CALN1: variants seen among roughly 807,000 people sequenced by gnomAD.
CALN1 encodes calneuron 1.
CALN1 carries 17 observed loss-of-function variants against 30.6 expected under a neutral mutation model. The observed-to-expected ratio is 0.56, with a 90% confidence interval of 0.38 to 0.83. The LOEUF is 0.83. CALN1 is among the 40% of genes least tolerant of loss of function. The pLI, the probability that CALN1 is intolerant of heterozygous loss-of-function variation, is 0.00. For missense variants in CALN1, 291 were observed against 354.9 expected (o/e 0.82, Z 1.45); for synonymous variants, 156 against 131.4 (o/e 1.19, Z -1.28).
chr7:71,913,977 T>A (rs534325693), intron 5 of CALN1: 3 of 152,200 alleles, frequency 2.0e-5, no homozygotes, highest in Non-Finnish European at 4.4e-5. Context: ...TGAGGTGAAA[T>A]AGCCAGTCCA....
At chr7:72,152,706 C>T (rs974650101) in intron 3 of CALN1, among the ~76,000 whole-genome samples, 7 of 152,056 alleles carry the variant, frequency 4.6e-5, no homozygotes, top group African/African-American at 1.4e-4. Context: ...AGCTACCAGC[C>T]GAGAGAGAGG....
chr7:72,260,246 A>C (rs948832502), intron 3 of CALN1, among the ~76,000 whole-genome samples: 13 of 152,222 alleles, frequency 8.5e-5, no homozygotes, highest in African/African-American at 2.7e-4. Flanking sequence ...TGCAGTGATA[A>C]GAATAAGAGA....
chr7:72,181,908 C>T (rs1234312285), intron 3 of CALN1, among the ~76,000 whole-genome samples: 1 of 152,186 alleles, frequency 6.6e-6, no homozygotes, highest in Non-Finnish European at 1.5e-5. Flanking sequence ...ATACTATGTA[C>T]CAGCACTATC....
chr7:72,370,169 G>A (rs1040442355), intron 2 of CALN1, among the ~76,000 whole-genome samples: 3 of 152,132 alleles, frequency 2.0e-5, no homozygotes, highest in Non-Finnish European at 4.4e-5. Context: ...TAAAAAGTAT[G>A]TAATGACATC....
intron 3 of CALN1, among the ~76,000 whole-genome samples, chr7:72,117,927 C>T (rs138284938): frequency 4.8e-4 from 70 of 146,816 alleles, no homozygotes; most frequent in African/African-American, 1.7e-3. Flanking sequence ...CACTGTACTC[C>T]AGCCTGGGCG....
intron 3 of CALN1, among the ~76,000 whole-genome samples, chr7:72,256,192 C>T (rs1795900873): frequency 6.6e-6 from 1 of 152,182 alleles, no homozygotes; most frequent in Admixed American, 6.5e-5. Flanking sequence ...GACACAGTGG[C>T]TCACACCTAT....
intron 5 of CALN1, among the ~76,000 whole-genome samples, chr7:71,875,741 GCTAGGTTCTTATACTACACA>G (rs148895449): frequency 0.018 from 2,706 of 152,286 alleles, 77 homozygotes; most frequent in African/African-American, 0.059. Flanking sequence ...AGGGGGCCCA[GCTAGGTTCTTATACTACACA>G]CTAGACAGAC....
At chr7:72,418,351 T>C (rs1336174828) in intron 1 of CALN1, among the ~76,000 whole-genome samples, 1 of 152,248 alleles carries the variant, frequency 6.6e-6, no homozygotes, top group Non-Finnish European at 1.5e-5. Flanking sequence ...CCACATTTTC[T>C]TTATCCAATC....
intron 5 of CALN1, among the ~76,000 whole-genome samples, chr7:71,967,668 A>AG (rs1187804161): frequency 2.0e-5 from 3 of 151,410 alleles, no homozygotes; most frequent in Non-Finnish European, 2.9e-5. Flanking sequence ...AAAAGAAAAA[A>AG]GTCTGTGCCC....
chr7:72,338,119 G>A (rs529196710), intron 2 of CALN1, among the ~76,000 whole-genome samples: 2 of 152,300 alleles, frequency 1.3e-5, no homozygotes, highest in South Asian at 4.1e-4. Context: ...GTCTCAGACT[G>A]TCCCGTAGAC....
At chr7:72,065,236 T>C (rs1374302958) in intron 4 of CALN1, among the ~76,000 whole-genome samples, 1 of 151,902 alleles carries the variant, frequency 6.6e-6, no homozygotes, top group Non-Finnish European at 1.5e-5. Flanking sequence ...AAATCAACAA[T>C]GCATCATGGC....
chr7:72,466,110 T>C, the CALN1 span, among the ~76,000 whole-genome samples: 1 of 152,222 alleles, frequency 6.6e-6, no homozygotes, highest in African/African-American at 2.4e-5. Context: ...ATGCAAGGGT[T>C]TGAGCTGTTT....
intron 3 of CALN1, among the ~76,000 whole-genome samples, chr7:72,203,979 C>CTATTT (rs59798860): frequency 0.025 from 2,058 of 83,792 alleles, 385 homozygotes; most frequent in East Asian, 0.13. Flanking sequence ...AGGCCTCTCT[C>CTATTT]TTTTTTTTTT....
chr7:72,201,925 C>T (rs1791463283), intron 3 of CALN1, among the ~76,000 whole-genome samples: 1 of 152,102 alleles, frequency 6.6e-6, no homozygotes, highest in South Asian at 2.1e-4. Context: ...GCAAGAACTA[C>T]GTCCGGACAG....
At chr7:72,497,714 C>G in the CALN1 span, among the ~76,000 whole-genome samples, 1 of 151,868 alleles carries the variant, frequency 6.6e-6, no homozygotes, top group Non-Finnish European at 1.5e-5. Flanking sequence ...AGGAAGATAA[C>G]AGAATGCAGA....
intron 3 of CALN1, among the ~76,000 whole-genome samples, chr7:72,164,671 T>C (rs1788390782): frequency 1.3e-5 from 2 of 152,170 alleles, no homozygotes; most frequent in African/African-American, 4.8e-5. Flanking sequence ...CATGAGTATA[T>C]ACATTTTTTG....
At chr7:71,929,968 T>C (rs142263085) in intron 5 of CALN1, among the ~76,000 whole-genome samples, 1 of 152,220 alleles carries the variant, frequency 6.6e-6, no homozygotes, top group Non-Finnish European at 1.5e-5. Context: ...TGCTCAAGCA[T>C]CTTATATAAA....
chr7:72,132,076 C>G (rs11972568), intron 3 of CALN1, among the ~76,000 whole-genome samples: 36,226 of 152,046 alleles, frequency 0.24, 5,295 homozygotes, highest in East Asian at 0.68. Flanking sequence ...ATACAAATAA[C>G]TCAATCTACA....
chr7:72,209,325 CCTCTTTCCTTCCCTCT>C (rs1562740158), intron 3 of CALN1, among the ~76,000 whole-genome samples: 12 of 56,924 alleles, frequency 2.1e-4, no homozygotes, highest in Non-Finnish European at 2.8e-4. Context: ...TCCCTCCTTC[CCTCTTTCCTTCCCTCT>C]TTCCTTCCCT....
Sources: allele counts gnomAD v4.1 joint callset (sites outside exome capture counted in the v4.1 genomes callset), GRCh38; gene constraint gnomAD v4.1.1; transcripts MANE v1.5; gene names NCBI Gene and HGNC (gene_info 2026-07-23, HGNC 2026-07-21).